INPP5A: variants seen among roughly 807,000 people sequenced by gnomAD.
INPP5A encodes 43 kDa inositol polyphosphate 5-phophatase.
INPP5A carries 14 observed loss-of-function variants against 65.2 expected under a neutral mutation model. The ratio of observed to expected loss-of-function variants is 0.21; its 90% CI spans 0.14 to 0.34. The LOEUF (loss-of-function observed/expected upper bound fraction) is 0.34. Among genes scored for constraint, INPP5A ranks in the 10% least tolerant of loss-of-function variants. The pLI is 1.00. For synonymous variants in INPP5A, 207 were observed against 208.3 expected, an observed-to-expected ratio of 0.99 and a Z score of 0.05; for missense variants, 431 against 545.6, an observed-to-expected ratio of 0.79 and a Z score of 2.09.
intron 1 of INPP5A, among the ~76,000 whole-genome samples, chr10:132,571,799 CAG>C (rs201455614): frequency 4.1e-4 from 63 of 152,318 alleles, no homozygotes; most frequent in African/African-American, 1.1e-3. Flanking sequence ...GATGGAAAGA[CAG>C]GGGCTAGCGA....
chr10:132,605,814 G>C (rs1343536209), intron 1 of INPP5A, among the ~76,000 whole-genome samples: 1 of 152,216 alleles, frequency 6.6e-6, no homozygotes, highest in Non-Finnish European at 1.5e-5. Flanking sequence ...CTTCTTTGGA[G>C]TGTTTTTGCT....
At chr10:132,724,233 G>A (rs755330223) in intron 8 of INPP5A, among the ~76,000 whole-genome samples, 1 of 152,252 alleles carries the variant, frequency 6.6e-6, no homozygotes, top group Non-Finnish European at 1.5e-5. Flanking sequence ...GGAATGTTGT[G>A]TTGAGATACA....
At chr10:132,771,177 C>T (rs1846941133) in intron 12 of INPP5A, among the ~76,000 whole-genome samples, 1 of 152,196 alleles carries the variant, frequency 6.6e-6, no homozygotes, top group African/African-American at 2.4e-5. Context: ...CAGGCACGCT[C>T]CCCTGAGAGA....
At chr10:132,764,496 G>A (rs1846795990) in intron 11 of INPP5A, among the ~76,000 whole-genome samples, 1 of 146,782 alleles carries the variant, frequency 6.8e-6, no homozygotes, top group Admixed American at 6.8e-5. Context: ...GCAGGGGTGG[G>A]AGGGTGTGTG....
intron 5 of INPP5A, among the ~76,000 whole-genome samples, chr10:132,691,184 C>T (rs986491488): frequency 6.6e-6 from 1 of 152,134 alleles, no homozygotes; most frequent in Non-Finnish European, 1.5e-5. Flanking sequence ...TGTGAAATTG[C>T]GCGGTAGTCT....
chr10:132,645,637 A>T (rs1455014170), intron 2 of INPP5A, among the ~76,000 whole-genome samples: 1 of 152,220 alleles, frequency 6.6e-6, no homozygotes, highest in Non-Finnish European at 1.5e-5. Context: ...ACTCTTTTCT[A>T]TGGAATTTAC....
intron 4 of INPP5A, among the ~76,000 whole-genome samples, chr10:132,688,498 G>A (rs919733433): frequency 2.6e-5 from 4 of 152,230 alleles, no homozygotes; most frequent in South Asian, 2.1e-4. Flanking sequence ...CTGCAGCCCC[G>A]TAGGGCAGCA....
intron 5 of INPP5A, among the ~76,000 whole-genome samples, chr10:132,691,792 C>A (rs935654749): frequency 6.6e-6 from 1 of 152,010 alleles, no homozygotes; most frequent in East Asian, 1.9e-4. Flanking sequence ...ACGCGGGAGA[C>A]GTGTGGACAT....
intron 4 of INPP5A, among the ~76,000 whole-genome samples, chr10:132,667,258 C>T (rs978810813): frequency 7.9e-5 from 12 of 152,168 alleles, no homozygotes; most frequent in Middle Eastern, 3.2e-3. Flanking sequence ...TAATAAATGT[C>T]GGCTGTTCTT....
intron 1 of INPP5A, among the ~76,000 whole-genome samples, chr10:132,596,088 T>C (rs1260267789): frequency 6.6e-6 from 1 of 152,210 alleles, no homozygotes; most frequent in Non-Finnish European, 1.5e-5. Flanking sequence ...GTTTATTTTT[T>C]ACTCTCACTT....
chr10:132,761,332 T>A (rs1349536358), intron 11 of INPP5A, among the ~76,000 whole-genome samples: 1 of 152,254 alleles, frequency 6.6e-6, no homozygotes, highest in African/African-American at 2.4e-5. Context: ...GGCACTGCAG[T>A]GCACTGTGGG....
intron 5 of INPP5A, among the ~76,000 whole-genome samples, chr10:132,691,128 C>G (rs1207320437): frequency 6.6e-6 from 1 of 152,242 alleles, no homozygotes; most frequent in African/African-American, 2.4e-5. Context: ...GATGTCGTTT[C>G]GTTCGGATTC....
intron 1 of INPP5A, among the ~76,000 whole-genome samples, chr10:132,565,405 T>C (rs1368468043): frequency 1.4e-4 from 22 of 152,222 alleles, no homozygotes; most frequent in Admixed American, 1.4e-3. Context: ...GTAAGGTATT[T>C]GGAGTTTATG....
At chr10:132,728,809 C>T (rs906193173) in intron 9 of INPP5A, among the ~76,000 whole-genome samples, 3 of 152,214 alleles carry the variant, frequency 2.0e-5, no homozygotes, top group African/African-American at 4.8e-5. Flanking sequence ...TGGTGAGGCA[C>T]GCACTGGAGC....
At chr10:132,668,801 GT>G (rs1476272868) in intron 4 of INPP5A, among the ~76,000 whole-genome samples, 1 of 152,176 alleles carries the variant, frequency 6.6e-6, no homozygotes, top group Non-Finnish European at 1.5e-5. Context: ...CGTGCTCTGG[GT>G]TTGGTCCATT....
At chr10:132,665,972 G>T (rs1016807328) in intron 4 of INPP5A, among the ~76,000 whole-genome samples, 1 of 151,554 alleles carries the variant, frequency 6.6e-6, no homozygotes, top group Admixed American at 6.6e-5. Flanking sequence ...GGAGGATCGT[G>T]TGAGCCTGGG....
intron 8 of INPP5A, among the ~76,000 whole-genome samples, chr10:132,719,568 T>G (rs1430471533): frequency 6.9e-6 from 1 of 145,838 alleles, no homozygotes; most frequent in Non-Finnish European, 1.5e-5. Flanking sequence ...CTGGGTGCCT[T>G]AGACGGCTGT....
At chr10:132,625,862 G>T (rs994956891) in intron 2 of INPP5A, among the ~76,000 whole-genome samples, 2 of 149,992 alleles carry the variant, frequency 1.3e-5, no homozygotes, top group African/African-American at 4.9e-5. Flanking sequence ...GTGTGTGTGT[G>T]TGTGTGTGTG....
At chr10:132,641,744 T>C (rs2072429672) in intron 2 of INPP5A, among the ~76,000 whole-genome samples, 1 of 152,266 alleles carries the variant, frequency 6.6e-6, no homozygotes, top group Non-Finnish European at 1.5e-5. Flanking sequence ...TCATTGCTTT[T>C]CTTCTGAAAC....
Sources: gnomAD v4.1 joint callset for allele counts (sites outside exome capture counted in the v4.1 genomes callset) on GRCh38, gnomAD v4.1.1 for gene constraint, MANE v1.5 for transcripts, NCBI Gene and HGNC (gene_info 2026-07-23, HGNC 2026-07-21) for gene names.